The following ARHGEF9 variants were observed in gnomAD, a reference collection of about 807,000 sequenced individuals.
The protein encoded by ARHGEF9 is Cdc42 guanine nucleotide exchange factor 9, also known as rho guanine nucleotide exchange factor 9.
In ARHGEF9, 2 loss-of-function variants were observed where a neutral mutation model predicts 41.3. That is an observed-to-expected ratio of 0.05 (90% CI 0.02 to 0.15). The LOEUF (loss-of-function observed/expected upper bound fraction) is 0.15, where lower values mean the gene tolerates loss of function less well. Among genes scored for constraint, ARHGEF9 ranks in the 10% least tolerant of loss-of-function variants. ARHGEF9 has a pLI of 1.00. For missense variants in ARHGEF9, 225 were observed against 424.7 expected (o/e 0.53, Z 4.13); for synonymous variants, 160 against 154.4 (o/e 1.04, Z -0.27).
In ARHGEF9 at chrX:63,676,435, C is replaced by T. The variant is rs190016247; in HGVS notation, c.815+1905G>A. ...GAAGCTGTATCTCTCTCAGCCTGTCCGTGAGCTATTTATTTCTTATCTTAG... is the reference window on the plus strand; with the variant it reads ...GAAGCTGTATCTCTCTCAGCCTGTCTGTGAGCTATTTATTTCTTATCTTAG... On this transcript the variant is annotated intron_variant, in intron 5 of 9. Transcript: ENST00000671741. 2.7e-4 allele frequency among the ~76,000 whole-genome samples: 30 copies of T among 112,100 alleles called. No homozygotes were observed. In the East Asian group the frequency reaches 6.4e-3, roughly 24 times the overall value.
intron 2 of ARHGEF9, among the ~76,000 whole-genome samples, chrX:63,716,536 T>C (rs111566453): frequency 0.024 from 2,676 of 111,673 alleles, 53 homozygotes; most frequent in African/African-American, 0.052. Flanking sequence ...AGTAGCCATT[T>C]GATGATCATC....
intron 7 of ARHGEF9, among the ~76,000 whole-genome samples, chrX:63,662,987 T>TA (rs1556343259): frequency 8.9e-6 from 1 of 111,996 alleles, no homozygotes; most frequent in African/African-American, 3.2e-5. Flanking sequence ...GATGTATATA[T>TA]TTTTAAATAA....
At chrX:63,730,886 T>A (rs545564244) in intron 1 of ARHGEF9, among the ~76,000 whole-genome samples, 4 of 112,022 alleles carry the variant, frequency 3.6e-5, no homozygotes, top group African/African-American at 1.3e-4. Context: ...AGGAAAAAAC[T>A]TGGGATTATG....
intron 1 of ARHGEF9, among the ~76,000 whole-genome samples, chrX:63,778,282 C>G (rs781963377): frequency 1.8e-5 from 2 of 112,311 alleles, no homozygotes; most frequent in South Asian, 7.5e-4. Context: ...GGCTTGAGCT[C>G]TACGTTGGCC....
At chrX:63,774,187 C>G (rs553224252) in intron 1 of ARHGEF9, among the ~76,000 whole-genome samples, 1 of 110,959 alleles carries the variant, frequency 9.0e-6, no homozygotes, top group Admixed American at 9.7e-5. Flanking sequence ...TGATAAGGAT[C>G]TGAAGTTCAG....
At chrX:63,645,118 C>T (rs2047926530) in intron 8 of ARHGEF9, among the ~76,000 whole-genome samples, 1 of 110,235 alleles carries the variant, frequency 9.1e-6, no homozygotes, top group Non-Finnish European at 1.9e-5. Flanking sequence ...GAAACCATAA[C>T]TGAAGTTATA....
intron 3 of ARHGEF9, among the ~76,000 whole-genome samples, chrX:63,700,117 A>G (rs1341590257): frequency 1.8e-5 from 2 of 112,146 alleles, no homozygotes; most frequent in African/African-American, 3.2e-5. Context: ...AAGAGGAGGG[A>G]AGACCCAATG....
chrX:63,724,886 CTG>C (rs1320349720), intron 1 of ARHGEF9, 175 bp from the exon 2 acceptor site: 3 of 474,354 alleles, frequency 6.3e-6, no homozygotes, highest in East Asian at 7.3e-5. Context: ...ACAAACAATA[CTG>C]TCAACTCTCT....
At chrX:63,660,413 G>T (rs879971433) in intron 7 of ARHGEF9, among the ~76,000 whole-genome samples, 3 of 111,107 alleles carry the variant, frequency 2.7e-5, no homozygotes, top group African/African-American at 9.8e-5. Context: ...TGGGAGGAGG[G>T]TGGGAATAAA....
chrX:63,731,547 T>C (rs1556420014), intron 1 of ARHGEF9, among the ~76,000 whole-genome samples: 1 of 103,627 alleles, frequency 9.6e-6, no homozygotes, highest in East Asian at 3.0e-4. Context: ...CCTTTCCCTG[T>C]CTCAGTTTTT....
chrX:63,767,180 G>T (rs2056126941), intron 1 of ARHGEF9: 2 of 733,615 alleles, frequency 2.7e-6, no homozygotes, highest in Non-Finnish European at 4.2e-6. Flanking sequence ...TCTTAAACCA[G>T]CTTGGTGCAG....
chrX:63,677,558 C>T (rs1290022996), intron 5 of ARHGEF9, among the ~76,000 whole-genome samples: 2 of 111,220 alleles, frequency 1.8e-5, no homozygotes, highest in Non-Finnish European at 3.8e-5. Context: ...TTGTCTATGT[C>T]GTGGGAGTTG....
At chrX:63,641,363 A>G (rs1488694188) in intron 9 of ARHGEF9, 1 of 109,073 alleles carries the variant, frequency 9.2e-6, no homozygotes, top group African/African-American at 3.4e-5. Flanking sequence ...AGGGAAAAAA[A>G]AAAAAAAAAA....
At chrX:63,693,051 AG>A (rs1327448878) in intron 4 of ARHGEF9, among the ~76,000 whole-genome samples, 2 of 111,495 alleles carry the variant, frequency 1.8e-5, no homozygotes, top group East Asian at 5.6e-4. Context: ...AGTTACCAGA[AG>A]TTAGGAAGGT....
At chrX:63,775,093 A>G (rs782018038) in intron 1 of ARHGEF9, among the ~76,000 whole-genome samples, 1 of 112,625 alleles carries the variant, frequency 8.9e-6, no homozygotes, top group East Asian at 2.8e-4. Context: ...ATAATTAATC[A>G]CTAGAGAAAT....
intron 8 of ARHGEF9, among the ~76,000 whole-genome samples, chrX:63,652,334 CT>C: frequency 9.0e-6 from 1 of 111,678 alleles, no homozygotes; most frequent in Admixed American, 9.5e-5. Flanking sequence ...CTGGTTGCTT[CT>C]TTACTGAACA....
chrX:63,641,048 T>C (rs1405660503), intron 9 of ARHGEF9: 1 of 111,192 alleles, frequency 9.0e-6, no homozygotes, highest in Non-Finnish European at 1.9e-5. Context: ...GTAGTAATCC[T>C]GGGAGGTTTG....
chrX:63,642,115 ATTAG>A (rs1405731588), intron 9 of ARHGEF9: 3 of 111,260 alleles, frequency 2.7e-5, no homozygotes, highest in Admixed American at 9.6e-5. Context: ...TATGTCTCCT[ATTAG>A]TTCTGTCCCT....
chrX:63,778,985 TC>T (rs782304830), intron 1 of ARHGEF9, among the ~76,000 whole-genome samples: 2 of 112,199 alleles, frequency 1.8e-5, no homozygotes, highest in Admixed American at 1.9e-4. Context: ...AGGCACTTTA[TC>T]CCCATTTTAT....
Sources: gnomAD v4.1 joint callset for allele counts (sites outside exome capture counted in the v4.1 genomes callset) on GRCh38, gnomAD v4.1.1 for gene constraint, MANE v1.5 for transcripts, NCBI Gene and HGNC (gene_info 2026-07-23, HGNC 2026-07-21) for gene names.